Variants in MDN1 observed in about 807,000 individuals in gnomAD.
MDN1 encodes the protein midasin AAA ATPase 1.
MDN1 carries 266 observed loss-of-function variants against 669.2 expected under a neutral mutation model. That is an observed-to-expected ratio of 0.40 (90% CI 0.36 to 0.44). The LOEUF is 0.44. Ranked by LOEUF, MDN1 falls within the 20% of genes least tolerant of loss-of-function variation. MDN1 has a pLI of 1.00. For missense variants in MDN1, 5,940 were observed against 6,754.0 expected, an observed-to-expected ratio of 0.88 and a Z score of 4.22; for synonymous variants, 2,385 against 2,457.1, an observed-to-expected ratio of 0.97 and a Z score of 0.87.
At position 89,694,168 on chromosome 6, in the gene MDN1, A is replaced by T; in HGVS notation, c.9787T>A (p.Cys3263Ser). Residue 3263 changes from cysteine (C) to serine (S), a missense_variant, in exon 62 of 102, where the codon TGT (cysteine) becomes AGT (serine). This residue lies in a region of MDN1 where 2,292 missense variants were observed against 2,638.3 expected (regional missense o/e 0.87). Transcript: ENST00000369393. ...YVKEELHQLQ[C>S]EWKTRNLSSQ... ...GACAGGTTCCGGGTCTTCCATTCACACTGCAGTTGGTGTAACTAATGGAAA... is the reference window on the plus strand; with the variant it reads ...GACAGGTTCCGGGTCTTCCATTCACTCTGCAGTTGGTGTAACTAATGGAAA... 1 of 1,613,996 alleles carries T rather than the reference A, an allele frequency of 6.2e-7. No individual in the cohort carries two copies. The highest frequency in any genetic ancestry group is 8.5e-7 in the Non-Finnish European group (1 of 1,179,902).
rs35169575 is a variant in MDN1, at chr6:89,796,324, C to CAAAAAAAAAAAAAAAAA, written c.330-1540_330-1524dup. Among the ~76,000 whole-genome samples the CAAAAAAAAAAAAAAAAA allele has an allele frequency of 6.4e-4, 29 of 45,368 alleles. 2 individuals carry two copies. Among genetic ancestry groups the CAAAAAAAAAAAAAAAAA allele is most frequent in the African/African-American group, 2.2e-3 (15 of 6,834 alleles). The allele number at this position is 45,368 out of a possible 152,430, so 29.8% of individuals were successfully genotyped here. A position where few individuals can be genotyped will look rare whatever the true frequency, so the allele number is the denominator to read the frequency against. On this transcript the variant is annotated intron_variant, in intron 2 of 101. Coordinates refer to ENST00000369393, the MANE Select transcript of MDN1 (RefSeq NM_014611.3). ...GGGCGACAAGAGCAAAACTCTGTCTCAAAAAAAAAAAAAAAAAAAAAAAAA... is the reference window on the plus strand; with the variant it reads ...GGGCGACAAGAGCAAAACTCTGTCTCAAAAAAAAAAAAAAAAAAAAAAAAAAAAAAAAAAAAAAAAAA...
At chr6:89,758,753 T>C (rs923092446) in intron 18 of MDN1, 63 bp downstream of exon 18, 4 of 1,549,858 alleles carry the variant, frequency 2.6e-6, no homozygotes, top group African/African-American at 2.8e-5. Context: ...CAACAAAAAA[T>C]CTCACTCTAA....
rs1813071772 is a variant in MDN1, at chr6:89,700,353, T to G, written c.8639-59A>C. ...AATGGTTAAGAGTATAGCCTCTAGA[T>G]TCTCAACAACCTGCTATGTGACTGC... is the stretch of plus-strand genomic sequence containing the variant. On this transcript the variant is annotated intron_variant, in intron 56 of 101. Transcript: ENST00000369393. 3 of 1,351,760 alleles carry G rather than the reference T, an allele frequency of 2.2e-6. No individual in the cohort carries two copies. In the East Asian group the frequency reaches 6.9e-5, roughly 31 times the overall value. 83.7% of individuals were successfully genotyped at this position (1,351,760 alleles called of 1,614,324 possible).
At chr6:89,748,163 A>G (rs1422396684) in intron 26 of MDN1, among the ~76,000 whole-genome samples, 1 of 152,124 alleles carries the variant, frequency 6.6e-6, no homozygotes, top group Non-Finnish European at 1.5e-5. Context: ...CGTCTCTACT[A>G]AAAAGACAAA....
intron 33 of MDN1, 100 bp downstream of exon 33, chr6:89,738,226 C>T: frequency 2.2e-6 from 3 of 1,367,566 alleles, no homozygotes; most frequent in Admixed American, 2.1e-5. Context: ...TTATAACACA[C>T]CATATACACA....
intron 15 of MDN1, among the ~76,000 whole-genome samples, chr6:89,771,180 A>G (rs1172544918): frequency 1.3e-5 from 2 of 152,198 alleles, no homozygotes; most frequent in Admixed American, 1.3e-4. Flanking sequence ...ACACAAGACC[A>G]GAAGAATGAC....
intron 11 of MDN1, among the ~76,000 whole-genome samples, chr6:89,779,574 A>T (rs1818547978): frequency 6.6e-6 from 1 of 152,180 alleles, no homozygotes; most frequent in Non-Finnish European, 1.5e-5. Flanking sequence ...CAGACTAAGA[A>T]ATTATATGTA....
intron 38 of MDN1, 81 bp downstream of exon 38, chr6:89,725,118 G>T: frequency 7.7e-7 from 1 of 1,299,188 alleles, no homozygotes; most frequent in Non-Finnish European, 1.1e-6. Context: ...TTCTCATAGT[G>T]AATATCCTTA....
chr6:89,728,866 T>C (rs1303058291), intron 36 of MDN1, 65 bp downstream of exon 36: 2 of 1,485,252 alleles, frequency 1.3e-6, no homozygotes, highest in African/African-American at 2.8e-5. Context: ...ATTAGGCAAA[T>C]ATAAATTGAC....
At chr6:89,758,024 G>C (rs1201455138) in intron 19 of MDN1, among the ~76,000 whole-genome samples, 1 of 152,112 alleles carries the variant, frequency 6.6e-6, no homozygotes, top group African/African-American at 2.4e-5. Flanking sequence ...CTCCAGCCTG[G>C]GCAACAGAGC....
In MDN1 at chr6:89,756,184, A is replaced by G. The variant is rs1030706693; in HGVS notation, c.2816+93T>C. 397 of 570,078 alleles carry G rather than the reference A, an allele frequency of 7.0e-4. 3 individuals carry two copies. The highest frequency in any genetic ancestry group is 9.5e-4 in the Non-Finnish European group (315 of 331,214). 35.3% of individuals were successfully genotyped at this position (570,078 alleles called of 1,614,324 possible). A position where few individuals can be genotyped will look rare whatever the true frequency, so the allele number is the denominator to read the frequency against. ...CTGCCATCAGTTTTCTCAAGTTAGA[A>G]GTAAAAAAGAATACATATTTGTGTG... On this transcript the variant is annotated intron_variant, in intron 20 of 101. Transcript: ENST00000369393.
intron 31 of MDN1, among the ~76,000 whole-genome samples, chr6:89,742,364 C>T (rs978371983): frequency 2.6e-5 from 4 of 152,148 alleles, no homozygotes; most frequent in African/African-American, 7.2e-5. Flanking sequence ...GCTAAAATCA[C>T]ACCACTGCAC....
At chr6:89,748,907 T>C (rs1316685145) in intron 26 of MDN1, among the ~76,000 whole-genome samples, 1 of 135,316 alleles carries the variant, frequency 7.4e-6, no homozygotes, top group Non-Finnish European at 1.6e-5. Flanking sequence ...AAAAAAAAAA[T>C]GTAGCCGGGC....
chr6:89,718,497 A>G lies in MDN1; in HGVS notation c.6452T>C (p.Leu2151Pro). The G allele has an allele frequency of 6.2e-7, 1 of 1,614,184 alleles. No homozygotes were observed. The highest frequency in any genetic ancestry group is 8.5e-7 in the Non-Finnish European group (1 of 1,180,032). ...AAGACACTTAGGCTTATATGTCAGA[A>G]GAAAATGACTCCAGGCTCGCAGCAC... Reference protein sequence around the residue: ...EVVLRAWSHFLLTYKPKCLGE... With the variant: ...EVVLRAWSHFPLTYKPKCLGE... The change falls in exon 43 of 102, where the codon CTT becomes CCT. Residue 2151 changes from leucine to proline, a missense_variant. Physicochemically the swap from Leu to Pro is moderately conservative, Grantham distance 98. Transcript: ENST00000369393.
At chr6:89,800,937 G>A (rs904241338) in intron 2 of MDN1, among the ~76,000 whole-genome samples, 1 of 152,210 alleles carries the variant, frequency 6.6e-6, no homozygotes, top group African/African-American at 2.4e-5. Context: ...CACACATCTG[G>A]TGTTAGAAGT....
At chr6:89,734,009 G>A (rs747239219) in intron 33 of MDN1, among the ~76,000 whole-genome samples, 2 of 152,116 alleles carry the variant, frequency 1.3e-5, no homozygotes, top group Non-Finnish European at 2.9e-5. Flanking sequence ...TAAAGGCCAG[G>A]CACGGTGGCT....
chr6:89,702,832 T>A (rs1436517367), intron 53 of MDN1, among the ~76,000 whole-genome samples: 1 of 152,212 alleles, frequency 6.6e-6, no homozygotes, highest in Admixed American at 6.5e-5. Context: ...ATTGTAAAGA[T>A]CTTCTCCTAC....
intron 83 of MDN1, among the ~76,000 whole-genome samples, chr6:89,669,418 C>G (rs1042366616): frequency 5.3e-5 from 8 of 152,132 alleles, no homozygotes; most frequent in African/African-American, 1.7e-4. Context: ...TGTTACTTAT[C>G]ATTACTACAG....
intron 1 of MDN1, chr6:89,815,188 C>G (rs1204125492): frequency 2.6e-6 from 1 of 389,244 alleles, no homozygotes; most frequent in Non-Finnish European, 5.0e-6. Flanking sequence ...CGTGCCTACC[C>G]TCTACGGCAG....
Sources: gnomAD v4.1 joint callset for allele counts (sites outside exome capture counted in the v4.1 genomes callset) on GRCh38, gnomAD v4.1.1 for gene constraint, gnomAD v4.1.1 regional missense constraint, MANE v1.5 for transcripts, NCBI Gene and HGNC (gene_info 2026-07-23, HGNC 2026-07-21) for gene names.